The following SLC4A1AP variants were observed in gnomAD, a reference collection of about 807,000 sequenced individuals.
The protein encoded by SLC4A1AP is kanadaptin.
SLC4A1AP carries 64 observed loss-of-function variants against 89.7 expected under a neutral mutation model. The observed-to-expected ratio is 0.71, with a 90% CI of 0.58 to 0.88. The LOEUF (loss-of-function observed/expected upper bound fraction) is 0.88. Among genes scored for constraint, SLC4A1AP ranks in the 40% least tolerant of loss-of-function variants. The probability of loss-of-function intolerance (pLI) is 0.00; values close to 1 mark genes in which losing one functional copy is unlikely to be tolerated. For missense variants in SLC4A1AP, 931 were observed against 965.0 expected (o/e 0.96, Z 0.47); for synonymous variants, 366 against 353.3 (o/e 1.04, Z -0.40).
intron 5 of SLC4A1AP, 74 bp from the exon 6 acceptor site, chr2:27,675,458 C>T: frequency 9.5e-7 from 1 of 1,055,746 alleles, no homozygotes; most frequent in African/African-American, 1.6e-5. Context: ...TTTTAAGCTC[C>T]TTGCCTACTT....
chr2:27,667,169 T>A, intron 2 of SLC4A1AP, 99 bp from the exon 3 acceptor site: 1 of 1,360,770 alleles, frequency 7.3e-7, no homozygotes, highest in Non-Finnish European at 9.9e-7. Context: ...GCGCCCAGCC[T>A]AAACTATATC....
intron 10 of SLC4A1AP, 76 bp from the exon 11 acceptor site, chr2:27,687,858 T>G: frequency 9.2e-7 from 1 of 1,084,756 alleles, no homozygotes; most frequent in Non-Finnish European, 1.4e-6. Flanking sequence ...CTCTTTCTCT[T>G]GTTTTTGTTT....
At chr2:27,676,071 A>G (rs1675516772) in intron 6 of SLC4A1AP, among the ~76,000 whole-genome samples, 2 of 152,214 alleles carry the variant, frequency 1.3e-5, no homozygotes, top group Admixed American at 6.5e-5. Flanking sequence ...TAGTATGGTA[A>G]TATGTAGTCT....
intron 4 of SLC4A1AP, 44 bp downstream of exon 4, chr2:27,668,947 A>G (rs1163904225): frequency 6.4e-7 from 1 of 1,559,068 alleles, no homozygotes; most frequent in Non-Finnish European, 8.8e-7. Context: ...AAAATGGCCA[A>G]TTTCAGGTTT....
At chr2:27,689,515 C>T (rs903013706) in intron 12 of SLC4A1AP, among the ~76,000 whole-genome samples, 14 of 152,146 alleles carry the variant, frequency 9.2e-5, no homozygotes, top group Non-Finnish European at 2.9e-5. Flanking sequence ...GGATGTCTTC[C>T]AGTAGAGTCA....
intron 8 of SLC4A1AP, among the ~76,000 whole-genome samples, chr2:27,678,849 G>A (rs1430175748): frequency 6.6e-6 from 1 of 151,346 alleles, no homozygotes; most frequent in East Asian, 2.0e-4. Flanking sequence ...CTCCCAAGTA[G>A]CTGGGACCAC....
chr2:27,693,218 C>T (rs1675817364), intron 12 of SLC4A1AP: 1 of 152,260 alleles, frequency 6.6e-6, no homozygotes, highest in Admixed American at 6.6e-5. Context: ...AGGTGTGAGC[C>T]ACTGCGCCCA....
intron 5 of SLC4A1AP, among the ~76,000 whole-genome samples, chr2:27,672,195 C>G (rs746084414): frequency 2.6e-5 from 4 of 152,082 alleles, no homozygotes; most frequent in African/African-American, 7.2e-5. Flanking sequence ...CTTGGCTGTT[C>G]AGGAAGTTTT....
intron 5 of SLC4A1AP, among the ~76,000 whole-genome samples, chr2:27,672,816 C>T (rs1041171861): frequency 6.6e-6 from 1 of 152,156 alleles, no homozygotes; most frequent in Non-Finnish European, 1.5e-5. Flanking sequence ...TGGTTTTCCT[C>T]GTCTGTGAGC....
chr2:27,674,691 C>T (rs186437585), intron 5 of SLC4A1AP, among the ~76,000 whole-genome samples: 1 of 147,454 alleles, frequency 6.8e-6, no homozygotes, highest in African/African-American at 2.5e-5. Flanking sequence ...TCTCATTTTT[C>T]ATTTTCCTTT....
chr2:27,694,484 T>G, intron 13 of SLC4A1AP, 150 bp from the exon 14 acceptor site: 1 of 464,112 alleles, frequency 2.2e-6, no homozygotes, highest in Non-Finnish European at 3.8e-6. Flanking sequence ...GAGGGCTGTA[T>G]TTTGAAATTT....
chr2:27,685,311 G>A (rs1572995751), intron 10 of SLC4A1AP, 34 bp downstream of exon 10: 3 of 1,575,658 alleles, frequency 1.9e-6, no homozygotes, highest in African/African-American at 1.4e-5. Flanking sequence ...GTGTTGTTCA[G>A]TGGGCAGTTA....
In SLC4A1AP at chr2:27,666,368, C is replaced by CT. The variant is rs1675322250; in HGVS notation, c.1022-900_1022-899insT. ...TTGTGATCCACCCCCCACCCCCCCC[C>CT]CCCACCCCGCCCCCCGGCCTCCCAA... On this transcript the variant is annotated intron_variant, in intron 2 of 13. Coordinates refer to ENST00000613058, the Ensembl canonical transcript of SLC4A1AP. 5.2e-5 allele frequency among the ~76,000 whole-genome samples: 2 copies of CT among 38,828 alleles called. 1 individual carries two copies. 25.5% of individuals were successfully genotyped at this position (38,828 alleles called of 152,430 possible).
chr2:27,682,156 TG>T, intron 8 of SLC4A1AP, 91 bp from the exon 9 acceptor site: 1 of 749,538 alleles, frequency 1.3e-6, no homozygotes. Context: ...ATTTTTATTT[TG>T]CCAGAGGTTT....
At chr2:27,684,728 T>G (rs1379773394) in intron 9 of SLC4A1AP, among the ~76,000 whole-genome samples, 1 of 152,096 alleles carries the variant, frequency 6.6e-6, no homozygotes, top group African/African-American at 2.4e-5. Context: ...TTTAATATCA[T>G]GAGTTATAAC....
intron 3 of SLC4A1AP, 122 bp downstream of exon 3, chr2:27,667,512 CT>C: frequency 1.0e-6 from 1 of 954,754 alleles, no homozygotes; most frequent in East Asian, 2.8e-5. Flanking sequence ...TTCTTGTTCA[CT>C]TTTTACTCTT....
At chr2:27,690,132 G>C (rs535695838) in intron 12 of SLC4A1AP, among the ~76,000 whole-genome samples, 5 of 152,266 alleles carry the variant, frequency 3.3e-5, no homozygotes. Flanking sequence ...ATAGTTCTTA[G>C]AGTTAAAATT....
intron 6 of SLC4A1AP, among the ~76,000 whole-genome samples, chr2:27,676,288 C>T (rs1286273831): frequency 1.3e-5 from 2 of 152,182 alleles, no homozygotes; most frequent in Non-Finnish European, 2.9e-5. Context: ...CCTACGACAT[C>T]TGTCAGTATT....
chr2:27,675,489 CT>C, intron 5 of SLC4A1AP, 42 bp from the exon 6 acceptor site: 1 of 1,415,720 alleles, frequency 7.1e-7, no homozygotes, highest in South Asian at 1.4e-5. Flanking sequence ...TTTTTCTTTT[CT>C]TTTTTAAAAA....
Sources: gnomAD v4.1 joint callset for allele counts (sites outside exome capture counted in the v4.1 genomes callset) on GRCh38, gnomAD v4.1.1 for gene constraint, MANE v1.5 for transcripts, NCBI Gene and HGNC (gene_info 2026-07-23, HGNC 2026-07-21) for gene names.